PACS1: variants seen among roughly 807,000 people sequenced by gnomAD.
The protein encoded by PACS1 is PACS-1.
A neutral mutation model predicts 115.0 loss-of-function variants in PACS1; 24 were observed. The observed-to-expected ratio is 0.21, with a 90% confidence interval of 0.15 to 0.29. PACS1 has a LOEUF of 0.29. Among genes scored for constraint, PACS1 ranks in the 10% least tolerant of loss-of-function variants. The pLI, the probability that PACS1 is intolerant of heterozygous loss-of-function variation, is 1.00. For synonymous variants in PACS1, 453 were observed against 504.5 expected, an observed-to-expected ratio of 0.90 and a Z score of 1.37; for missense variants, 838 against 1,251.2, an observed-to-expected ratio of 0.67 and a Z score of 4.98.
At chr11:66,207,304 T>TAAAAATACA (rs944817772) in intron 2 of PACS1, among the ~76,000 whole-genome samples, 2 of 152,086 alleles carry the variant, frequency 1.3e-5, no homozygotes, top group African/African-American at 4.8e-5. Flanking sequence ...TCATCTCTAC[T>TAAAAATACA]AAAAATACAA....
At chr11:66,133,445 C>T (rs1858749164) in intron 1 of PACS1, among the ~76,000 whole-genome samples, 1 of 152,168 alleles carries the variant, frequency 6.6e-6, no homozygotes, top group Admixed American at 6.5e-5. Context: ...ATCTTGCCAA[C>T]CTCGATGCAG....
chr11:66,238,428 G>A lies in PACS1; in HGVS notation c.2251-376G>A, dbSNP rs551440094. 5.6e-5 allele frequency: 44 copies of A among 783,026 alleles called. No homozygotes were observed. In the African/African-American group the frequency reaches 8.1e-4, roughly 14 times the overall value. 48.5% of individuals were successfully genotyped at this position (783,026 alleles called of 1,614,324 possible). On this transcript the variant is annotated intron_variant, in intron 19 of 23. Coordinates refer to ENST00000320580, the MANE Select transcript of PACS1 (RefSeq NM_018026.4). Reference sequence around the variant, plus strand: ...CTCATTGTTGCAACTAGGTTTTGTTGTTTTTTGTTTGTTTGTTTCTACAGC... The same window carrying A: ...CTCATTGTTGCAACTAGGTTTTGTTATTTTTTGTTTGTTTGTTTCTACAGC...
At chr11:66,118,170 G>T (rs1451105415) in intron 1 of PACS1, among the ~76,000 whole-genome samples, 2 of 152,196 alleles carry the variant, frequency 1.3e-5, no homozygotes, top group Non-Finnish European at 2.9e-5. Flanking sequence ...AGACTAAGGG[G>T]TTGGTGCATA....
At chr11:66,114,319 G>A (rs945921874) in intron 1 of PACS1, among the ~76,000 whole-genome samples, 75 of 151,576 alleles carry the variant, frequency 4.9e-4, no homozygotes, top group African/African-American at 1.7e-3. Context: ...TCGGGAGGCT[G>A]AGGCAGGGAA....
intron 21 of PACS1, chr11:66,241,196 T>G: frequency 2.0e-6 from 1 of 510,312 alleles, no homozygotes; most frequent in Non-Finnish European, 3.5e-6. Context: ...CCTGTGAAGA[T>G]TTTATTTGGT....
At chr11:66,166,354 G>A (rs1004097551) in intron 1 of PACS1, among the ~76,000 whole-genome samples, 6 of 152,072 alleles carry the variant, frequency 3.9e-5, no homozygotes. Context: ...CACCATGTTG[G>A]CCAGGCTCTC....
chr11:66,211,064 G>T (rs1178919638), intron 3 of PACS1, 70 bp from the exon 4 acceptor site: 4 of 1,558,444 alleles, frequency 2.6e-6, no homozygotes, highest in Non-Finnish European at 3.5e-6. Context: ...GAAAGACTGT[G>T]TGTCCTCCAG....
intron 1 of PACS1, among the ~76,000 whole-genome samples, chr11:66,074,928 AT>A (rs1390539336): frequency 1.4e-4 from 19 of 136,776 alleles, no homozygotes; most frequent in East Asian, 6.6e-4. Context: ...AATTTTATTA[AT>A]TTTTTTTTGG....
Position 66,156,346 on chromosome 11 carries a change from G to A in PACS1, c.357-37140G>A, listed in dbSNP as rs553470212. On this transcript the variant is annotated intron_variant, in intron 1 of 23. Coordinates refer to ENST00000320580, the MANE Select transcript of PACS1 (RefSeq NM_018026.4). ...CGGCTCACTGCAACTTCTGCCCCCC[G>A]GGTTCAAGCCATTCTCCTGCTTTCC... Among the ~76,000 whole-genome samples, 56 of 148,222 alleles carry A rather than the reference G, an allele frequency of 3.8e-4. No homozygotes were observed. The South Asian group carries it at 0.011, about 29-fold the overall frequency.
chr11:66,092,113 G>A (rs1857677986), intron 1 of PACS1, among the ~76,000 whole-genome samples: 1 of 152,140 alleles, frequency 6.6e-6, no homozygotes, highest in African/African-American at 2.4e-5. Context: ...TTCCACAGTG[G>A]TTGAACTAGT....
chr11:66,218,146 G>C, intron 7 of PACS1: 1 of 151,982 alleles, frequency 6.6e-6, no homozygotes, highest in Non-Finnish European at 1.5e-5. Flanking sequence ...GTCTCATGCT[G>C]CTCTGTCACT....
rs545305617 is a variant in PACS1, at chr11:66,188,571, C to A, written c.357-4915C>A. Reference sequence around the variant, plus strand: ...AAAATTATTTTCTGCTGTAGAAAAACCAATTAAAGCAGGAGTGTCATCAGG... The same window carrying A: ...AAAATTATTTTCTGCTGTAGAAAAAACAATTAAAGCAGGAGTGTCATCAGG... On this transcript the variant is annotated intron_variant, in intron 1 of 23. Transcript: ENST00000320580. Among the ~76,000 whole-genome samples, 9 of 152,260 alleles carry A rather than the reference C, an allele frequency of 5.9e-5. No homozygotes were observed. In the South Asian group the frequency reaches 1.0e-3, roughly 18 times the overall value.
chr11:66,195,492 G>A (rs1263636073), intron 2 of PACS1, among the ~76,000 whole-genome samples: 2 of 152,146 alleles, frequency 1.3e-5, no homozygotes, highest in Admixed American at 6.5e-5. Context: ...GTCCTGTGCC[G>A]ACACCATTGG....
intron 1 of PACS1, among the ~76,000 whole-genome samples, chr11:66,079,919 A>G (rs924821232): frequency 1.3e-5 from 2 of 152,036 alleles, no homozygotes; most frequent in South Asian, 4.2e-4. Flanking sequence ...TGTTCCCTCT[A>G]CCTGTGATAC....
At chr11:66,072,849 C>G (rs1857332748) in intron 1 of PACS1, among the ~76,000 whole-genome samples, 1 of 152,166 alleles carries the variant, frequency 6.6e-6, no homozygotes, top group African/African-American at 2.4e-5. Flanking sequence ...AAGGCGCGAG[C>G]CTACTGGCAA....
chr11:66,096,002 T>G (rs112456777), intron 1 of PACS1, among the ~76,000 whole-genome samples: 37 of 152,062 alleles, frequency 2.4e-4, no homozygotes, highest in African/African-American at 8.7e-4. Context: ...TGGCGTGATC[T>G]GAGTTCACTG....
intron 1 of PACS1, among the ~76,000 whole-genome samples, chr11:66,091,998 T>G (rs1365113635): frequency 1.3e-5 from 2 of 152,178 alleles, no homozygotes; most frequent in Non-Finnish European, 2.9e-5. Flanking sequence ...GCATATGTTG[T>G]TATAGCAGCA....
Position 66,233,228 on chromosome 11 carries a change from T to C in PACS1, c.1838+162T>C, listed in dbSNP as rs887971892. Among the ~76,000 whole-genome samples the C allele has an allele frequency of 1.3e-5, 2 of 152,142 alleles. No homozygotes were observed. Among genetic ancestry groups the C allele is most frequent in the African/African-American group, 4.8e-5 (2 of 41,412 alleles). On this transcript the variant is annotated intron_variant, in intron 15 of 23. Coordinates refer to ENST00000320580, the MANE Select transcript of PACS1 (RefSeq NM_018026.4). This position sits in a 1 kb window ranked among gnomAD's most constrained non-coding sequence, Gnocchi z 4.5. ...GGTGGCGGCAGCAGGCTGTAGGGCT[T>C]GAGGCCCCGGCAGACCCCAGAGGAT...
intron 10 of PACS1, among the ~76,000 whole-genome samples, chr11:66,224,660 T>C (rs1855436441): frequency 6.6e-6 from 1 of 152,248 alleles, no homozygotes; most frequent in Admixed American, 6.5e-5. Context: ...TGTGCTGATA[T>C]TTCTATTTTG....
Sources: allele counts gnomAD v4.1 joint callset (sites outside exome capture counted in the v4.1 genomes callset), GRCh38; gene constraint gnomAD v4.1.1; non-coding constraint Gnocchi (gnomAD v3.1); transcripts MANE v1.5; gene names NCBI Gene and HGNC (gene_info 2026-07-23, HGNC 2026-07-21).